The following SNX8 variants were observed in gnomAD, a reference collection of about 807,000 sequenced individuals.
SNX8 encodes sorting nexin 8.
Under a neutral mutation model 51.6 loss-of-function variants are expected in SNX8, and 25 were observed. That is an observed-to-expected ratio of 0.48 (90% CI 0.35 to 0.68). The LOEUF is 0.68. SNX8 is among the 30% of genes least tolerant of loss of function. The pLI is 0.00. For missense variants in SNX8, 695 were observed against 624.0 expected (o/e 1.11, Z -1.21); for synonymous variants, 324 against 277.0 (o/e 1.17, Z -1.68).
At position 2,256,976 on chromosome 7, in the gene SNX8, C is replaced by G. The variant is rs750770413; in HGVS notation, c.1182G>C (p.Leu394=). 1.2e-6 allele frequency: 2 copies of G among 1,613,454 alleles called. No homozygotes were observed. The highest frequency in any genetic ancestry group is 4.5e-5 in the East Asian group (2 of 44,870). Residue 394 remains leucine, a synonymous_variant, in exon 10 of 11, where the codon CTG becomes CTC. Transcript: ENST00000222990. ...QTMELRNYFS[L]YCLHQETQLI... ...GCTGCGTCTCCTGGTGCAGGCAGTACAGGGAGAAGTAGTTCCGCAGCTCCA... is the reference window on the plus strand; with the variant it reads ...GCTGCGTCTCCTGGTGCAGGCAGTAGAGGGAGAAGTAGTTCCGCAGCTCCA...
chr7:2,319,763 T>C (rs1361839802), intron 1 of SNX8, among the ~76,000 whole-genome samples: 1 of 134,848 alleles, frequency 7.4e-6, no homozygotes, highest in Non-Finnish European at 1.5e-5. Context: ...TGCAGTGAGC[T>C]GAGACTGCAC....
At chr7:2,298,526 C>T (rs1159351627) in intron 1 of SNX8, among the ~76,000 whole-genome samples, 2 of 151,694 alleles carry the variant, frequency 1.3e-5, no homozygotes, top group African/African-American at 4.9e-5. Flanking sequence ...TGCACCAGCA[C>T]GCCCAGGTAA....
At chr7:2,262,525 G>A (rs1795361996) in intron 7 of SNX8, among the ~76,000 whole-genome samples, 2 of 133,230 alleles carry the variant, frequency 1.5e-5, no homozygotes, top group African/African-American at 2.9e-5. Flanking sequence ...AGCCGCTCAG[G>A]TGCTGGGGCT....
rs1203471253 is a variant in SNX8, at chr7:2,347,604, C to T, written c.-66+6618G>A. Among the ~76,000 whole-genome samples the T allele has an allele frequency of 3.4e-5, 5 of 146,514 alleles. No individual in the cohort carries two copies. The East Asian group carries it at 1.0e-3, about 30-fold the overall frequency. On this transcript the variant is annotated intron_variant, in intron 1 of 5. Coordinates refer to the SNX8 transcript ENST00000435336. ...GGGAAGTTCAGATGATTTGGGGCCA[C>T]ACTGGATTCTTTTTTTTTTTTTTTT...
intron 1 of SNX8, among the ~76,000 whole-genome samples, chr7:2,334,163 C>G (rs767897757): frequency 2.0e-5 from 3 of 152,094 alleles, no homozygotes; most frequent in Non-Finnish European, 4.4e-5. Flanking sequence ...TGCCTGTAAT[C>G]CCAGCTGAGG....
chr7:2,342,492 A>AAAAAATAC, intron 1 of SNX8, among the ~76,000 whole-genome samples: 1 of 151,938 alleles, frequency 6.6e-6, no homozygotes, highest in Non-Finnish European at 1.5e-5. Context: ...CGTCTGTACT[A>AAAAAATAC]AAAAATACAA....
At chr7:2,261,346 T>A (rs1009648674) in intron 7 of SNX8, among the ~76,000 whole-genome samples, 1 of 152,130 alleles carries the variant, frequency 6.6e-6, no homozygotes, top group African/African-American at 2.4e-5. Context: ...GGCAGGAGAA[T>A]CGCTTGAACC....
Position 2,275,113 on chromosome 7 carries a change from T to C in SNX8, c.417A>G (p.Gly139=). The change falls in exon 3 of 11, where the codon GGA becomes GGG. Residue 139 remains glycine, a splice_region_variant and synonymous_variant. Coordinates refer to ENST00000222990, the MANE Select transcript of SNX8 (RefSeq NM_013321.4). Reference sequence around the variant, plus strand: ...GGTGGGCAGCACGCCTGGCTTTACCTCCCAGCATTCTCTTGGGTGGCAGGG... The same window carrying C: ...GGTGGGCAGCACGCCTGGCTTTACCCCCCAGCATTCTCTTGGGTGGCAGGG... The part of the protein sequence containing the change: ...VPALPPKRML[G]ADREFIEARR... 1 of 1,607,490 alleles carries C rather than the reference T, an allele frequency of 6.2e-7. No individual in the cohort carries two copies. The highest frequency in any genetic ancestry group is 8.5e-7 in the Non-Finnish European group (1 of 1,173,960).
chr7:2,326,398 G>A (rs1228147209), intron 1 of SNX8, among the ~76,000 whole-genome samples: 2 of 152,080 alleles, frequency 1.3e-5, no homozygotes, highest in Non-Finnish European at 2.9e-5. Context: ...GGGCACGGTG[G>A]CTCACGCCTG....
intron 3 of SNX8, among the ~76,000 whole-genome samples, chr7:2,273,529 T>TGA (rs1235645317): frequency 1.3e-5 from 2 of 148,320 alleles, no homozygotes; most frequent in Non-Finnish European, 3.0e-5. Flanking sequence ...GAGCTTGCAG[T>TGA]GAGCCGAGAC....
chr7:2,314,254 T>G (rs1484478453), intron 1 of SNX8, 74 bp downstream of exon 1: 2 of 1,206,674 alleles, frequency 1.7e-6, no homozygotes, highest in Non-Finnish European at 2.1e-6. Context: ...GCGCGGCGGC[T>G]GAGCCCCGTC....
intron 1 of SNX8, among the ~76,000 whole-genome samples, chr7:2,282,372 A>G (rs1252506415): frequency 6.6e-6 from 1 of 152,176 alleles, no homozygotes; most frequent in East Asian, 1.9e-4. Context: ...CACAGAAACC[A>G]GGCATGCGGT....
At chr7:2,263,404 G>A (rs1795385301) in intron 6 of SNX8, 42 bp from the exon 7 acceptor site, 3 of 1,541,734 alleles carry the variant, frequency 1.9e-6, no homozygotes, top group South Asian at 1.2e-5. Context: ...CTCAAGGCCT[G>A]GAGCTCACCT....
chr7:2,322,727 A>G (rs768979802), intron 1 of SNX8, among the ~76,000 whole-genome samples: 4 of 149,328 alleles, frequency 2.7e-5, no homozygotes, highest in Non-Finnish European at 4.4e-5. Flanking sequence ...AATAAAATAA[A>G]TGCTGTAGGC....
chr7:2,317,303 G>C (rs1000026037), upstream of SNX8, among the ~76,000 whole-genome samples: 5 of 89,722 alleles, frequency 5.6e-5, no homozygotes, highest in African/African-American at 2.2e-4. Context: ...TTTTGAGACA[G>C]AGTCTCACTC....
intron 1 of SNX8, among the ~76,000 whole-genome samples, chr7:2,302,871 G>A (rs1217176073): frequency 6.7e-6 from 1 of 148,284 alleles, no homozygotes; most frequent in Admixed American, 6.7e-5. Context: ...CCTGGCAACC[G>A]CCCCGTCTGA....
intron 4 of SNX8, among the ~76,000 whole-genome samples, chr7:2,270,314 C>CAGA (rs1795613245): frequency 1.8e-5 from 1 of 57,088 alleles, no homozygotes; most frequent in Non-Finnish European, 2.8e-5. Context: ...TCTCATTTTA[C>CAGA]AAAAAAAAAA....
intron 1 of SNX8, among the ~76,000 whole-genome samples, chr7:2,352,334 C>T (rs1311123223): frequency 6.6e-6 from 1 of 152,076 alleles, no homozygotes; most frequent in African/African-American, 2.4e-5. Context: ...CCCCGACCCC[C>T]AGTTTCACAT....
At chr7:2,269,726 T>A in intron 4 of SNX8, 87 bp from the exon 5 acceptor site, 1 of 767,958 alleles carries the variant, frequency 1.3e-6, no homozygotes, top group Non-Finnish European at 2.1e-6. Context: ...GAGCGGGAGG[T>A]CGTCTTTCCT....
Sources: allele counts gnomAD v4.1 joint callset (sites outside exome capture counted in the v4.1 genomes callset), GRCh38; gene constraint gnomAD v4.1.1; transcripts MANE v1.5; gene names NCBI Gene and HGNC (gene_info 2026-07-23, HGNC 2026-07-21).